The following SLC35D4 variants were observed in gnomAD, a reference collection of about 807,000 sequenced individuals.
SLC35D4 encodes the protein solute carrier family 35 member D4.
chr18:23,273,119 G>A, the SLC35D4 span, among the ~76,000 whole-genome samples: 5 of 152,166 alleles, frequency 3.3e-5, no homozygotes, highest in African/African-American at 1.2e-4. Flanking sequence ...AAGAAGCCAC[G>A]TTTTTGTTTT....
the SLC35D4 span, among the ~76,000 whole-genome samples, chr18:23,282,156 A>T: frequency 1.3e-5 from 2 of 152,244 alleles, no homozygotes; most frequent in Non-Finnish European, 2.9e-5. Context: ...ACGAAGACAC[A>T]TGTGCAGACA....
At chr18:23,364,599 G>A in the SLC35D4 span, among the ~76,000 whole-genome samples, 1 of 152,146 alleles carries the variant, frequency 6.6e-6, no homozygotes, top group Admixed American at 6.5e-5. Context: ...GAGGCAGTAA[G>A]ATACATTTTA....
the SLC35D4 span, chr18:23,373,787 T>C: frequency 6.0e-5 from 97 of 1,610,146 alleles, no homozygotes; most frequent in African/African-American, 1.2e-3. Context: ...GATAAAACAC[T>C]GCAGCTTCAC....
At chr18:23,297,952 G>T in the SLC35D4 span, 1 of 1,591,320 alleles carries the variant, frequency 6.3e-7, no homozygotes. Context: ...TCGTACACAG[G>T]TGTACAAGCT....
the SLC35D4 span, chr18:23,365,654 G>A: frequency 1.2e-6 from 2 of 1,613,626 alleles, no homozygotes; most frequent in South Asian, 2.2e-5. Context: ...AGATGCAAAT[G>A]CCAGGAGCAC....
At chr18:23,417,320 G>A in the SLC35D4 span, among the ~76,000 whole-genome samples, 1 of 151,990 alleles carries the variant, frequency 6.6e-6, no homozygotes, top group Non-Finnish European at 1.5e-5. Flanking sequence ...ATGAGTACAT[G>A]TAGACATTGT....
chr18:23,385,170 G>T, the SLC35D4 span: 1 of 1,071,830 alleles, frequency 9.3e-7, no homozygotes, highest in Non-Finnish European at 1.4e-6. Context: ...GGAAACTTTT[G>T]GCATCCACAT....
the SLC35D4 span, among the ~76,000 whole-genome samples, chr18:23,328,372 C>CCTG: frequency 6.6e-6 from 1 of 152,166 alleles, no homozygotes; most frequent in Non-Finnish European, 1.5e-5. Flanking sequence ...GATACAAAAT[C>CCTG]AATGTGCAAA....
chr18:23,280,346 C>G, the SLC35D4 span, among the ~76,000 whole-genome samples: 1 of 152,240 alleles, frequency 6.6e-6, no homozygotes, highest in Admixed American at 6.5e-5. Flanking sequence ...AAGGCTGTGG[C>G]TGGGTACTGA....
chr18:23,318,167 G>C, the SLC35D4 span, among the ~76,000 whole-genome samples: 1 of 152,150 alleles, frequency 6.6e-6, no homozygotes, highest in Non-Finnish European at 1.5e-5. Flanking sequence ...TGTGGTTTTG[G>C]TTTGTATTTC....
At chr18:23,437,933 A>AGCG in the SLC35D4 span, 2 of 1,443,488 alleles carry the variant, frequency 1.4e-6, no homozygotes, top group Admixed American at 2.0e-5. Flanking sequence ...CAGCAGCAGC[A>AGCG]GCGGCAGCGG....
At chr18:23,316,671 A>T in the SLC35D4 span, among the ~76,000 whole-genome samples, 1 of 152,206 alleles carries the variant, frequency 6.6e-6, no homozygotes, top group African/African-American at 2.4e-5. Context: ...ACAAAAGGAG[A>T]TTAGGTTCAT....
the SLC35D4 span, among the ~76,000 whole-genome samples, chr18:23,407,536 A>C: frequency 6.6e-6 from 1 of 152,044 alleles, no homozygotes; most frequent in Non-Finnish European, 1.5e-5. Flanking sequence ...GTCAGTGGAC[A>C]AAAGCAGGTA....
At chr18:23,243,615 G>A in the SLC35D4 span, among the ~76,000 whole-genome samples, 3 of 151,636 alleles carry the variant, frequency 2.0e-5, no homozygotes, top group East Asian at 1.9e-4. Flanking sequence ...GCTCATGCCT[G>A]TAATCCCAGC....
the SLC35D4 span, among the ~76,000 whole-genome samples, chr18:23,419,901 A>T: frequency 1.3e-5 from 2 of 152,200 alleles, no homozygotes; most frequent in South Asian, 4.1e-4. Flanking sequence ...TACTTTCAAA[A>T]AGTTCAGGGA....
the SLC35D4 span, among the ~76,000 whole-genome samples, chr18:23,277,443 T>C: frequency 6.6e-6 from 1 of 152,336 alleles, no homozygotes; most frequent in East Asian, 1.9e-4. Flanking sequence ...CAATTAAACC[T>C]CTTTTGTAAA....
the SLC35D4 span, among the ~76,000 whole-genome samples, chr18:23,241,071 A>G: frequency 6.6e-6 from 1 of 152,228 alleles, no homozygotes; most frequent in Non-Finnish European, 1.5e-5. Flanking sequence ...AAAAGCAATT[A>G]CTATTCTCAC....
the SLC35D4 span, among the ~76,000 whole-genome samples, chr18:23,276,004 C>T: frequency 6.6e-6 from 1 of 152,054 alleles, no homozygotes; most frequent in Admixed American, 6.6e-5. Flanking sequence ...TGAAAAGATT[C>T]CAGAAATGGA....
chr18:23,371,189 G>T, the SLC35D4 span, among the ~76,000 whole-genome samples: 1 of 151,544 alleles, frequency 6.6e-6, no homozygotes, highest in African/African-American at 2.4e-5. Context: ...GACCTCCCTG[G>T]ACTCAGGTGA....
Sources: allele counts gnomAD v4.1 joint callset (sites outside exome capture counted in the v4.1 genomes callset), GRCh38; gene constraint gnomAD v4.1.1; transcripts MANE v1.5; gene names NCBI Gene and HGNC (gene_info 2026-07-23, HGNC 2026-07-21).